The following GUCY1B1 variants were observed in gnomAD, a reference collection of about 807,000 sequenced individuals.
The protein encoded by GUCY1B1 is guanylate cyclase soluble subunit beta-1.
Under a neutral mutation model 71.0 loss-of-function variants are expected in GUCY1B1, and 43 were observed. That is an observed-to-expected ratio of 0.61 (90% confidence interval 0.47 to 0.78). The LOEUF (loss-of-function observed/expected upper bound fraction) is 0.78. Ranked by LOEUF, GUCY1B1 falls within the 30% of genes least tolerant of loss-of-function variation. The probability of loss-of-function intolerance (pLI) is 0.00; values close to 1 mark genes in which losing one functional copy is unlikely to be tolerated. For synonymous variants in GUCY1B1, 266 were observed against 259.7 expected (o/e 1.02, Z -0.23); for missense variants, 535 against 754.1 (o/e 0.71, Z 3.40).
intron 4 of GUCY1B1, 107 bp downstream of exon 4, chr4:155,777,749 G>C (rs1478001629): frequency 1.7e-6 from 1 of 592,356 alleles, no homozygotes; most frequent in Non-Finnish European, 3.0e-6. Flanking sequence ...TCTTGCTTCT[G>C]AAATGGAATC....
intron 4 of GUCY1B1, among the ~76,000 whole-genome samples, chr4:155,778,036 T>C (rs151232826): frequency 6.6e-6 from 1 of 152,186 alleles, no homozygotes; most frequent in Non-Finnish European, 1.5e-5. Flanking sequence ...TTTGTAGATA[T>C]AATCGAGCAA....
At chr4:155,763,545 C>CA (rs60201385) in intron 2 of GUCY1B1, among the ~76,000 whole-genome samples, 64,556 of 150,432 alleles carry the variant, frequency 0.43, 14,176 homozygotes, top group East Asian at 0.68. Context: ...TCCTTACCTT[C>CA]AAAAAAAAAA....
At chr4:155,779,196 G>C (rs115771584) in intron 4 of GUCY1B1, among the ~76,000 whole-genome samples, 1,958 of 152,204 alleles carry the variant, frequency 0.013, 25 homozygotes, top group Non-Finnish European at 0.018. Flanking sequence ...GAGATGGGAG[G>C]ATCACTTGAG....
chr4:155,778,444 G>T (rs1224741892), intron 4 of GUCY1B1, among the ~76,000 whole-genome samples: 1 of 152,220 alleles, frequency 6.6e-6, no homozygotes, highest in African/African-American at 2.4e-5. Context: ...TCAGCAGCCA[G>T]ATCTTGCTGG....
intron 13 of GUCY1B1, among the ~76,000 whole-genome samples, 165 bp downstream of exon 13, chr4:155,805,394 C>T (rs1740249437): frequency 6.6e-6 from 1 of 152,158 alleles, no homozygotes; most frequent in South Asian, 2.1e-4. Context: ...GAGCCAATTA[C>T]AATCATAAGT....
chr4:155,759,610 G>A, intron 1 of GUCY1B1, 177 bp from the exon 2 acceptor site: 1 of 552,010 alleles, frequency 1.8e-6, no homozygotes, highest in African/African-American at 2.0e-5. Context: ...CAGGGATTGG[G>A]GGGTTGCGCC....
chr4:155,778,360 A>AC (rs935956699), intron 4 of GUCY1B1, among the ~76,000 whole-genome samples: 21 of 152,094 alleles, frequency 1.4e-4, no homozygotes, highest in African/African-American at 4.6e-4. Context: ...CATTTGTGAG[A>AC]CCCTCTTCTT....
intron 13 of GUCY1B1, among the ~76,000 whole-genome samples, chr4:155,805,565 C>CT: frequency 6.6e-6 from 1 of 152,204 alleles, no homozygotes; most frequent in East Asian, 1.9e-4. Context: ...CCCCTGACCC[C>CT]TTTCCTCAGC....
At chr4:155,785,913 G>C (rs1579225566) in intron 4 of GUCY1B1, among the ~76,000 whole-genome samples, 1 of 152,110 alleles carries the variant, frequency 6.6e-6, no homozygotes, top group Admixed American at 6.5e-5. Flanking sequence ...TAAATCTCTG[G>C]AGAGTTGGTT....
At position 155,796,436 on chromosome 4, in the gene GUCY1B1, C is replaced by A. The variant is rs1292273331; in HGVS notation, c.903C>A (p.Ile301=). 1 of 1,611,464 alleles carries A rather than the reference C, an allele frequency of 6.2e-7. No individual in the cohort carries two copies. Among genetic ancestry groups the A allele is most frequent in the African/African-American group, 1.3e-5 (1 of 74,856 alleles). The change falls in exon 8 of 14, where the codon ATC becomes ATA. Residue 301 remains isoleucine, a synonymous_variant. Coordinates refer to ENST00000264424, the MANE Select transcript of GUCY1B1 (RefSeq NM_000857.5). ...ECEDELTGTE[I]SCLRLKGQMI... is the part of the protein sequence containing the mutation. ...AGGATGAACTGACTGGGACTGAGAT[C>A]AGCTGCTTACGTCTCAAGGGTCAAA... is the stretch of plus-strand genomic sequence containing the variant.
intron 4 of GUCY1B1, among the ~76,000 whole-genome samples, chr4:155,789,298 G>C (rs1739000277): frequency 6.6e-6 from 1 of 152,172 alleles, no homozygotes; most frequent in Non-Finnish European, 1.5e-5. Flanking sequence ...TTAAGTTTTA[G>C]AATTGCAGTA....
In GUCY1B1 at chr4:155,807,790, A is replaced by T. The variant is rs1740412555; in HGVS notation, c.*1381A>T. On this transcript the variant is annotated 3_prime_UTR_variant, in exon 14 of 14. Transcript: ENST00000264424. The stretch of plus-strand genomic sequence containing the variant: ...GAGTGACAGGAAATAAAGACTGGGC[A>T]TGGAAAGGGGAAACAGTTAAATATT... 6.6e-6 allele frequency among the ~76,000 whole-genome samples: 1 copy of T among 152,152 alleles called. No individual in the cohort carries two copies. Among genetic ancestry groups the T allele is most frequent in the Admixed American group, 6.6e-5 (1 of 15,246 alleles).
At chr4:155,776,690 A>T (rs2111040399) in intron 3 of GUCY1B1, among the ~76,000 whole-genome samples, 1 of 152,240 alleles carries the variant, frequency 6.6e-6, no homozygotes, top group East Asian at 1.9e-4. Context: ...AAAAAATGTG[A>T]TACAGAAAAT....
At chr4:155,770,240 T>TA (rs1198791697) in intron 2 of GUCY1B1, among the ~76,000 whole-genome samples, 1 of 152,046 alleles carries the variant, frequency 6.6e-6, no homozygotes, top group African/African-American at 2.4e-5. Flanking sequence ...AGGTAGCAGA[T>TA]AAAAAAACAG....
intron 6 of GUCY1B1, among the ~76,000 whole-genome samples, chr4:155,794,317 T>C (rs1464291942): frequency 6.6e-6 from 1 of 152,194 alleles, no homozygotes; most frequent in Non-Finnish European, 1.5e-5. Context: ...AGTAGGAATG[T>C]TATGTAAGAA....
intron 2 of GUCY1B1, among the ~76,000 whole-genome samples, chr4:155,763,309 G>A (rs535624474): frequency 2.1e-4 from 32 of 152,242 alleles, no homozygotes; most frequent in Non-Finnish European, 3.2e-4. Context: ...GCCTCCCAAA[G>A]TATTGGATTA....
At chr4:155,798,872 C>G (rs573029853) in intron 8 of GUCY1B1, among the ~76,000 whole-genome samples, 2 of 152,272 alleles carry the variant, frequency 1.3e-5, no homozygotes, top group East Asian at 3.9e-4. Context: ...GAGTCTCGCT[C>G]TGTCACCCAG....
chr4:155,771,425 T>A (rs1737687807), intron 2 of GUCY1B1, among the ~76,000 whole-genome samples: 1 of 152,200 alleles, frequency 6.6e-6, no homozygotes, highest in African/African-American at 2.4e-5. Flanking sequence ...GGATTCTGCT[T>A]GTACCTTGTT....
At chr4:155,767,676 C>T (rs1187387916) in intron 2 of GUCY1B1, among the ~76,000 whole-genome samples, 1 of 151,972 alleles carries the variant, frequency 6.6e-6, no homozygotes, top group Non-Finnish European at 1.5e-5. Flanking sequence ...GGCAGGAAGT[C>T]GTTACTGGAT....
Sources: gnomAD v4.1 joint callset for allele counts (sites outside exome capture counted in the v4.1 genomes callset) on GRCh38, gnomAD v4.1.1 for gene constraint, MANE v1.5 for transcripts, NCBI Gene and HGNC (gene_info 2026-07-23, HGNC 2026-07-21) for gene names.